HSPA12A: variants seen among roughly 807,000 people sequenced by gnomAD.
The protein encoded by HSPA12A is heat shock protein family A (Hsp70) member 12A.
A neutral mutation model predicts 69.2 loss-of-function variants in HSPA12A; 28 were observed. The observed-to-expected ratio is 0.40, with a 90% CI of 0.30 to 0.55. HSPA12A has a LOEUF of 0.55. HSPA12A is among the 20% of genes least tolerant of loss of function. The pLI, the probability that HSPA12A is intolerant of heterozygous loss-of-function variation, is 0.38. For missense variants in HSPA12A, 686 were observed against 900.7 expected (o/e 0.76, Z 3.05); for synonymous variants, 345 against 370.5 (o/e 0.93, Z 0.79).
intron 2 of HSPA12A, chr10:116,833,136 C>T (rs1052138927): frequency 1.3e-5 from 2 of 152,124 alleles, no homozygotes; most frequent in Non-Finnish European, 2.9e-5. Context: ...CAACACTGGC[C>T]GCAAATGCCC....
At chr10:116,794,435 A>G (rs2133157512) in intron 2 of HSPA12A, among the ~76,000 whole-genome samples, 1 of 152,208 alleles carries the variant, frequency 6.6e-6, no homozygotes, top group Non-Finnish European at 1.5e-5. Flanking sequence ...CCATAAAGCA[A>G]CTCCCAACAA....
At chr10:116,724,955 C>T (rs968816132) in intron 1 of HSPA12A, among the ~76,000 whole-genome samples, 1 of 152,210 alleles carries the variant, frequency 6.6e-6, no homozygotes, top group Non-Finnish European at 1.5e-5. Flanking sequence ...CCCAGCAACA[C>T]CGTGGTGCAG....
At chr10:116,742,575 GGGCAGCGGGAGCGCTGCTCTGACGC>G (rs1851550872), upstream of HSPA12A, 1 of 1,142,106 alleles carries the variant, frequency 8.8e-7, no homozygotes, top group Admixed American at 4.8e-5. Flanking sequence ...CTGAGCCGCC[GGGCAGCGGGAGCGCTGCTCTGACGC>G]GGCAGCCGCC....
chr10:116,794,244 G>A (rs1327782038), intron 2 of HSPA12A, among the ~76,000 whole-genome samples: 1 of 151,754 alleles, frequency 6.6e-6, no homozygotes, highest in African/African-American at 2.4e-5. Context: ...AAATATAAAG[G>A]GACCAAATGC....
chr10:116,775,925 G>T (rs77639654), intron 2 of HSPA12A, among the ~76,000 whole-genome samples: 1,565 of 152,262 alleles, frequency 0.01, 14 homozygotes, highest in Middle Eastern at 0.02. Context: ...ACTCCACCAG[G>T]GACTAGACTG....
intron 1 of HSPA12A, among the ~76,000 whole-genome samples, chr10:116,716,712 G>A (rs982182247): frequency 6.6e-6 from 1 of 152,170 alleles, no homozygotes; most frequent in Non-Finnish European, 1.5e-5. Context: ...CAGCTCCTGA[G>A]GAGGATGAAG....
At chr10:116,801,663 C>G (rs757661511) in intron 2 of HSPA12A, among the ~76,000 whole-genome samples, 2 of 152,022 alleles carry the variant, frequency 1.3e-5, no homozygotes, top group Non-Finnish European at 2.9e-5. Flanking sequence ...TTATTATACT[C>G]AAACCTAATA....
At chr10:116,711,368 G>C (rs1397650289) in intron 1 of HSPA12A, among the ~76,000 whole-genome samples, 1 of 152,218 alleles carries the variant, frequency 6.6e-6, no homozygotes, top group African/African-American at 2.4e-5. Flanking sequence ...CGAGGCTTGA[G>C]AGAAAGAAAG....
At chr10:116,782,366 T>G (rs1358386667) in intron 2 of HSPA12A, among the ~76,000 whole-genome samples, 8 of 152,234 alleles carry the variant, frequency 5.3e-5, no homozygotes, top group Admixed American at 2.6e-4. Context: ...CCCACTAGCA[T>G]AGCCTAGTGC....
In HSPA12A at chr10:116,846,507, G is replaced by A. The variant is rs1338495863; in HGVS notation, c.3+3059C>T. ...TGGGACCACAAGCACGTGCTGCCAT[G>A]CCCGGCTAATTTTTGTATTTTTAGT... On this transcript the variant is annotated intron_variant, in intron 1 of 12. Coordinates refer to the HSPA12A transcript ENST00000635765. Among the ~76,000 whole-genome samples, 4 of 151,808 alleles carry A rather than the reference G, an allele frequency of 2.6e-5. No individual in the cohort carries two copies. The East Asian group carries it at 7.7e-4, about 29-fold the overall frequency.
intron 2 of HSPA12A, among the ~76,000 whole-genome samples, chr10:116,771,918 C>A (rs1844220442): frequency 6.6e-6 from 1 of 152,204 alleles, no homozygotes; most frequent in Admixed American, 6.5e-5. Flanking sequence ...CCAGTCCAGG[C>A]AGGCTGCTCC....
At chr10:116,778,388 AG>A (rs1844388462) in intron 2 of HSPA12A, among the ~76,000 whole-genome samples, 1 of 152,198 alleles carries the variant, frequency 6.6e-6, no homozygotes, top group Non-Finnish European at 1.5e-5. Context: ...GAAAGGTCAG[AG>A]AAGGAAGCAG....
In HSPA12A at chr10:116,793,936, C is replaced by T. The variant is rs1311803823; in HGVS notation, c.91+40999G>A. ...GGACCAGGCCGGGCACGGTGGCTCA[C>T]GCCTGTAATCCCAGCACTTTGGAAG... On this transcript the variant is annotated intron_variant, in intron 2 of 12. Transcript: ENST00000635765. Among the ~76,000 whole-genome samples the T allele has an allele frequency of 2.6e-5, 4 of 152,174 alleles. No individual in the cohort carries two copies. The South Asian group carries it at 6.2e-4, about 24-fold the overall frequency.
At chr10:116,788,616 C>A (rs1416352415) in intron 2 of HSPA12A, among the ~76,000 whole-genome samples, 2 of 151,900 alleles carry the variant, frequency 1.3e-5, no homozygotes, top group South Asian at 2.1e-4. Context: ...GAGATACATG[C>A]AAATGGATAG....
chr10:116,776,502 T>C (rs1371111913), intron 2 of HSPA12A, among the ~76,000 whole-genome samples: 1 of 152,232 alleles, frequency 6.6e-6, no homozygotes, highest in Non-Finnish European at 1.5e-5. Flanking sequence ...AGCTTTGGAA[T>C]TCAGAAAATT....
Position 116,683,916 on chromosome 10 carries a change from A to G in HSPA12A, c.710T>C (p.Leu237Ser). The change falls in exon 7 of 12, where the codon TTG becomes TCG. Residue 237 changes from leucine (L) to serine (S), a missense_variant. Leu to Ser is a moderately radical substitution (Grantham distance 145, BLOSUM62 -2). Coordinates refer to ENST00000369209, the MANE Select transcript of HSPA12A (RefSeq NM_025015.3). ...PENSEQLIIA[L>S]EPEAASIYCR... ...GTAGATAGAGGCTGCCTCAGGCTCCAAGGCAATGATGAGCTGCTCCGAGTT... is the reference window on the plus strand; with the variant it reads ...GTAGATAGAGGCTGCCTCAGGCTCCGAGGCAATGATGAGCTGCTCCGAGTT... The G allele has an allele frequency of 1.3e-6, 2 of 1,592,432 alleles. No individual in the cohort carries two copies. The highest frequency in any genetic ancestry group is 1.7e-6 in the Non-Finnish European group (2 of 1,163,604).
chr10:116,793,873 A>G (rs745787198), intron 2 of HSPA12A, among the ~76,000 whole-genome samples: 1 of 152,182 alleles, frequency 6.6e-6, no homozygotes, highest in Non-Finnish European at 1.5e-5. Flanking sequence ...GATGGCACAT[A>G]AAGTCCTAAC....
At chr10:116,752,141 G>T (rs543732886) in intron 2 of HSPA12A, among the ~76,000 whole-genome samples, 16 of 152,276 alleles carry the variant, frequency 1.1e-4, no homozygotes, top group African/African-American at 3.4e-4. Context: ...GGGGACGTTG[G>T]GGGTGGTGAG....
At chr10:116,738,402 T>C (rs1475529104) in intron 1 of HSPA12A, among the ~76,000 whole-genome samples, 3 of 152,066 alleles carry the variant, frequency 2.0e-5, no homozygotes, top group African/African-American at 4.8e-5. Flanking sequence ...ATGAAAGACA[T>C]AGTCCACGCC....
Sources: allele counts gnomAD v4.1 joint callset (sites outside exome capture counted in the v4.1 genomes callset), GRCh38; gene constraint gnomAD v4.1.1; transcripts MANE v1.5; gene names NCBI Gene and HGNC (gene_info 2026-07-23, HGNC 2026-07-21).